The following LOC128092252 variants were observed in gnomAD, a reference collection of about 807,000 sequenced individuals.
chr15:50,653,855 T>C, the LOC128092252 span, among the ~76,000 whole-genome samples: 11 of 152,184 alleles, frequency 7.2e-5, no homozygotes, highest in Admixed American at 5.9e-4. Context: ...AATCACTTGC[T>C]GTGTGTGGGT....
At chr15:50,682,582 A>C in the LOC128092252 span, among the ~76,000 whole-genome samples, 1 of 152,176 alleles carries the variant, frequency 6.6e-6, no homozygotes, top group South Asian at 2.1e-4. Flanking sequence ...ATCTCAAAAA[A>C]AAAAAAAAAA....
chr15:50,661,009 CTT>C, the LOC128092252 span, among the ~76,000 whole-genome samples: 58 of 149,848 alleles, frequency 3.9e-4, no homozygotes, highest in African/African-American at 1.4e-3. Context: ...GAGTTTCACT[CTT>C]GTTACCCAGG....
chr15:50,652,429 A>G, the LOC128092252 span, among the ~76,000 whole-genome samples: 26,912 of 150,434 alleles, frequency 0.18, 3,137 homozygotes, highest in East Asian at 0.46. Context: ...TTGAAAAGAT[A>G]AATAAAATTG....
chr15:50,673,495 C>G, the LOC128092252 span, among the ~76,000 whole-genome samples: 1 of 152,114 alleles, frequency 6.6e-6, no homozygotes, highest in Non-Finnish European at 1.5e-5. Context: ...AGCTCAGCTC[C>G]CACTTATGAG....
chr15:50,675,656 ATACATAT>A, the LOC128092252 span, among the ~76,000 whole-genome samples: 2 of 152,360 alleles, frequency 1.3e-5, no homozygotes, highest in South Asian at 4.1e-4. Context: ...CTGGTTATAA[ATACATAT>A]AAAAATCCTA....
At chr15:50,661,745 G>A in the LOC128092252 span, among the ~76,000 whole-genome samples, 1 of 152,114 alleles carries the variant, frequency 6.6e-6, no homozygotes, top group Non-Finnish European at 1.5e-5. Context: ...AAGGTAAATG[G>A]GTAGAGAACA....
the LOC128092252 span, among the ~76,000 whole-genome samples, chr15:50,661,084 C>T: frequency 5.3e-5 from 8 of 151,576 alleles, no homozygotes; most frequent in Admixed American, 4.6e-4. Context: ...TCAAGCAATT[C>T]TCCTGCCTTA....
chr15:50,678,306 T>A, the LOC128092252 span, among the ~76,000 whole-genome samples: 1 of 149,400 alleles, frequency 6.7e-6, no homozygotes, highest in Non-Finnish European at 1.5e-5. Context: ...TTCAGAGTTA[T>A]GTGATAAATT....
chr15:50,649,437 CAAAA>C, the LOC128092252 span, among the ~76,000 whole-genome samples: 1 of 92,790 alleles, frequency 1.1e-5, no homozygotes. Flanking sequence ...GACCCCAACT[CAAAA>C]AAAAAAAAAA....
At chr15:50,666,870 T>C in the LOC128092252 span, among the ~76,000 whole-genome samples, 1 of 152,166 alleles carries the variant, frequency 6.6e-6, no homozygotes, top group African/African-American at 2.4e-5. Flanking sequence ...TACAAGGTAA[T>C]TGAAAGATAA....
chr15:50,673,062 GTTAA>G, the LOC128092252 span, among the ~76,000 whole-genome samples: 7 of 144,892 alleles, frequency 4.8e-5, no homozygotes, highest in East Asian at 5.8e-4. Flanking sequence ...GTAAGCTAGC[GTTAA>G]TTTATTATTG....
the LOC128092252 span, chr15:50,686,431 G>A: frequency 1.3e-6 from 2 of 1,592,900 alleles, no homozygotes; most frequent in Non-Finnish European, 8.6e-7. Flanking sequence ...GTCCTTCGCC[G>A]CATGGAACGC....
chr15:50,666,809 AAAG>A, the LOC128092252 span, among the ~76,000 whole-genome samples: 3 of 152,182 alleles, frequency 2.0e-5, no homozygotes, highest in African/African-American at 7.2e-5. Context: ...CTCCAAAAAA[AAAG>A]AAGAGGCGGT....
At chr15:50,663,987 T>C in the LOC128092252 span, among the ~76,000 whole-genome samples, 2 of 150,630 alleles carry the variant, frequency 1.3e-5, no homozygotes, top group Admixed American at 6.6e-5. Context: ...AAAAAAAACC[T>C]GAAAAAAAGA....
At chr15:50,655,872 C>T in the LOC128092252 span, among the ~76,000 whole-genome samples, 6 of 152,040 alleles carry the variant, frequency 3.9e-5, no homozygotes, top group Non-Finnish European at 8.8e-5. Context: ...TGCCTGTAAT[C>T]CCAGCTTCTG....
At chr15:50,686,608 G>A in the LOC128092252 span, 1 of 1,582,038 alleles carries the variant, frequency 6.3e-7, no homozygotes. Context: ...CCATCTATCG[G>A]GAAGCGTCTC....
At chr15:50,665,097 G>A in the LOC128092252 span, among the ~76,000 whole-genome samples, 1 of 152,192 alleles carries the variant, frequency 6.6e-6, no homozygotes, top group African/African-American at 2.4e-5. Context: ...AAGCACACAT[G>A]AGGCATTTAT....
chr15:50,659,695 TCTCA>T, the LOC128092252 span, among the ~76,000 whole-genome samples: 2 of 151,434 alleles, frequency 1.3e-5, no homozygotes, highest in Non-Finnish European at 2.9e-5. Context: ...TGAGATGGAG[TCTCA>T]CTCTGTCACT....
At chr15:50,660,301 A>G in the LOC128092252 span, among the ~76,000 whole-genome samples, 1 of 152,204 alleles carries the variant, frequency 6.6e-6, no homozygotes, top group Non-Finnish European at 1.5e-5. Context: ...TATTTAAAAA[A>G]CATAAAATAT....
Sources: allele counts gnomAD v4.1 joint callset (sites outside exome capture counted in the v4.1 genomes callset), GRCh38; gene constraint gnomAD v4.1.1; transcripts MANE v1.5.